The following CDC25A variants were observed in gnomAD, a reference collection of about 807,000 sequenced individuals.
The protein encoded by CDC25A is cell division cycle 25A.
A neutral mutation model predicts 64.6 loss-of-function variants in CDC25A; 17 were observed. That is an observed-to-expected ratio of 0.26 (90% CI 0.18 to 0.39). The LOEUF (loss-of-function observed/expected upper bound fraction) is 0.39, where lower values mean the gene tolerates loss of function less well. CDC25A is among the 10% of genes least tolerant of loss of function. The pLI is 1.00. For missense variants in CDC25A, 473 were observed against 654.8 expected, an observed-to-expected ratio of 0.72 and a Z score of 3.03; for synonymous variants, 229 against 238.6, an observed-to-expected ratio of 0.96 and a Z score of 0.37.
Position 48,165,846 on chromosome 3 carries a change from G to A in CDC25A, c.1077C>T (p.Tyr359=), listed in dbSNP as rs768836163. 2.5e-6 allele frequency: 4 copies of A among 1,608,902 alleles called. No individual in the cohort carries two copies. Among genetic ancestry groups the A allele is most frequent in the South Asian group, 2.2e-5 (2 of 90,988 alleles). ...ATGGACTTACAATTTCTGGAGAGAT[G>A]TATTTTAAATCCTGATGTTTCCCAG... The part of the protein sequence containing the change: ...TVAGKHQDLK[Y]ISPEIMASVL... Residue 359 remains tyrosine, a synonymous_variant, in exon 11 of 15, where the codon TAC becomes TAT. Transcript: ENST00000302506.
At chr3:48,171,715 T>C (rs2032276966) in intron 9 of CDC25A, among the ~76,000 whole-genome samples, 1 of 152,212 alleles carries the variant, frequency 6.6e-6, no homozygotes, top group Non-Finnish European at 1.5e-5. Flanking sequence ...TTTTCTGACA[T>C]GTATACAATG....
chr3:48,165,820 G>C lies in CDC25A; in HGVS notation c.1092+11C>G. 1.2e-6 allele frequency: 2 copies of C among 1,605,832 alleles called. No homozygotes were observed. Among genetic ancestry groups the C allele is most frequent in the South Asian group, 2.2e-5 (2 of 90,920 alleles). Reference sequence around the variant, plus strand: ...CCCGATGTGTGGTGGGTTTCAAAAGGATGGACTTACAATTTCTGGAGAGAT... The same window carrying C: ...CCCGATGTGTGGTGGGTTTCAAAAGCATGGACTTACAATTTCTGGAGAGAT... On this transcript the variant is annotated intron_variant, in intron 11 of 14. Coordinates refer to ENST00000302506, the MANE Select transcript of CDC25A (RefSeq NM_001789.3).
intron 2 of CDC25A, 140 bp downstream of exon 2, chr3:48,186,563 C>CT (rs2032851201): frequency 1.8e-6 from 1 of 545,036 alleles, no homozygotes; most frequent in Non-Finnish European, 3.3e-6. Context: ...GAGCGAAACT[C>CT]TGTCTCAAAA....
rs953278821 is a variant in CDC25A at position 48,187,816 on chromosome 3, G to A, written c.132C>T (p.Asn44=). 1 of 1,548,536 alleles carries A rather than the reference G, an allele frequency of 6.5e-7. No individual in the cohort carries two copies. Among genetic ancestry groups the A allele is most frequent in the Non-Finnish European group, 8.7e-7 (1 of 1,145,608 alleles). Residue 44 remains asparagine, a synonymous_variant, in exon 1 of 15, where the codon AAC becomes AAT. Coordinates refer to ENST00000302506, the MANE Select transcript of CDC25A (RefSeq NM_001789.3). ...SAAGGLSPVT[N]LTVTMDQLQG... ...GCAGCTGGTCCATAGTGACGGTCAG[G>A]TTGGTGACAGGCGACAGTCCCCCGG... is the stretch of plus-strand genomic sequence containing the variant.
intron 10 of CDC25A, among the ~76,000 whole-genome samples, chr3:48,166,782 T>C (rs754317385): frequency 6.6e-6 from 1 of 152,194 alleles, no homozygotes; most frequent in African/African-American, 2.4e-5. Context: ...TGCATGCCTG[T>C]AGTCCCAGCT....
intron 9 of CDC25A, among the ~76,000 whole-genome samples, chr3:48,171,271 A>G (rs920487238): frequency 6.6e-6 from 1 of 151,870 alleles, no homozygotes; most frequent in African/African-American, 2.4e-5. Flanking sequence ...GCTACTCAGG[A>G]GGCTGAGGCA....
intron 9 of CDC25A, among the ~76,000 whole-genome samples, chr3:48,172,428 C>T (rs904381459): frequency 2.6e-5 from 4 of 152,136 alleles, no homozygotes; most frequent in African/African-American, 9.7e-5. Context: ...TTTTATAATG[C>T]TTAATACCAA....
intron 10 of CDC25A, among the ~76,000 whole-genome samples, chr3:48,167,208 ATC>A (rs911985824): frequency 1.3e-5 from 2 of 152,228 alleles, no homozygotes; most frequent in African/African-American, 4.8e-5. Context: ...TCATTTTGGA[ATC>A]TCTGCCTAAC....
At position 48,159,398 on chromosome 3, in the gene CDC25A, G is replaced by A; in HGVS notation, c.1380C>T (p.Tyr460=). The change falls in exon 14 of 15, where the codon TAC becomes TAT. Residue 460 remains tyrosine (Y), a synonymous_variant. Transcript: ENST00000302506. The part of the protein sequence containing the change: ...RLGNEYPKLH[Y]PELYVLKGGY... ...CCCCCTTCAGGACATACAGCTCAGG[G>A]TAGTGGAGTTTGGGGTATTCATTAC... is the stretch of plus-strand genomic sequence containing the variant. The A allele has an allele frequency of 6.2e-7, 1 of 1,614,032 alleles. No individual in the cohort carries two copies. Among genetic ancestry groups the A allele is most frequent in the South Asian group, 1.1e-5 (1 of 91,076 alleles).
chr3:48,177,336 G>A (rs769402476), intron 8 of CDC25A, 35 bp downstream of exon 8: 20 of 1,532,368 alleles, frequency 1.3e-5, no homozygotes, highest in Admixed American at 6.7e-5. Flanking sequence ...CCCCAATCAC[G>A]CAGGGCTTCC....
At chr3:48,163,477 G>A (rs2031875045) in intron 13 of CDC25A, among the ~76,000 whole-genome samples, 1 of 151,846 alleles carries the variant, frequency 6.6e-6, no homozygotes, top group South Asian at 2.1e-4. Flanking sequence ...GATGGCGCAT[G>A]CCTGTAATCC....
At chr3:48,181,318 G>A (rs555565519) in intron 5 of CDC25A, among the ~76,000 whole-genome samples, 3 of 150,086 alleles carry the variant, frequency 2.0e-5, no homozygotes, top group African/African-American at 7.3e-5. Context: ...TTTACTCAAC[G>A]TGGACGATTC....
At chr3:48,180,341 C>G (rs2032617760) in intron 6 of CDC25A, 1 of 156,170 alleles carries the variant, frequency 6.4e-6, no homozygotes, top group Non-Finnish European at 1.4e-5. Flanking sequence ...TGTTACGGCT[C>G]TTTTAAAATT....
intron 13 of CDC25A, among the ~76,000 whole-genome samples, chr3:48,163,585 C>T (rs978420432): frequency 6.7e-6 from 1 of 150,370 alleles, no homozygotes; most frequent in Non-Finnish European, 1.5e-5. Flanking sequence ...GCCTGGGCAA[C>T]AAGAGCAAAA....
chr3:48,171,811 C>A (rs558708890), intron 9 of CDC25A, among the ~76,000 whole-genome samples: 3 of 152,246 alleles, frequency 2.0e-5, no homozygotes, highest in African/African-American at 4.8e-5. Context: ...AAGGGAAATT[C>A]TAAATGTCCA....
At position 48,180,729 on chromosome 3, in the gene CDC25A, C is replaced by T. The variant is rs2032635312; in HGVS notation, c.541G>A (p.Ala181Thr). 1 of 1,613,924 alleles carries T rather than the reference C, an allele frequency of 6.2e-7. No individual in the cohort carries two copies. Among genetic ancestry groups the T allele is most frequent in the African/African-American group, 1.3e-5 (1 of 74,922 alleles). ...LFTQRQNSAP[A>T]RMLSSNERDS... is the part of the protein sequence containing the mutation. ...AAAGCCAGAGCACATACCATCCGAG[C>T]TGGGGCAGAGTTCTGCCTCTGTGTG... The change falls in exon 6 of 15, where the codon GCT (alanine) becomes ACT (threonine). Residue 181 changes from alanine (A) to threonine (T), a missense_variant. Ala to Thr is a moderately conservative substitution (Grantham distance 58). Around this residue, in one of 2 missense-constraint regions of CDC25A, gnomAD observed 376 missense variants for 431.9 expected, o/e 0.87. Transcript: ENST00000302506.
At chr3:48,168,094 C>A in intron 9 of CDC25A, 150 bp from the exon 10 acceptor site, 10 of 441,712 alleles carry the variant, frequency 2.3e-5, no homozygotes, top group South Asian at 6.8e-5. Context: ...CTGGAGTGAA[C>A]AAAAACAGAT....
At chr3:48,183,079 A>T (rs1360964520) in intron 4 of CDC25A, 49 bp from the exon 5 acceptor site, 1 of 1,376,892 alleles carries the variant, frequency 7.3e-7, no homozygotes, top group Admixed American at 1.7e-5. Context: ...ATAAAATTTC[A>T]GTGGAAAATT....
chr3:48,178,608 T>C (rs576410782), intron 6 of CDC25A, among the ~76,000 whole-genome samples: 1 of 152,346 alleles, frequency 6.6e-6, no homozygotes, highest in African/African-American at 2.4e-5. Flanking sequence ...CTTTCCTTTT[T>C]CTTTAGCAAA....
Sources: gnomAD v4.1 joint callset for allele counts (sites outside exome capture counted in the v4.1 genomes callset) on GRCh38, gnomAD v4.1.1 for gene constraint, gnomAD v4.1.1 regional missense constraint, MANE v1.5 for transcripts, NCBI Gene and HGNC (gene_info 2026-07-23, HGNC 2026-07-21) for gene names.